CSRNP3: variants seen among roughly 807,000 people sequenced by gnomAD.
The protein encoded by CSRNP3 is cysteine and serine rich nuclear protein 3.
In CSRNP3, 12 loss-of-function variants were observed where a neutral mutation model predicts 48.0. The ratio of observed to expected loss-of-function variants is 0.25; its 90% CI spans 0.16 to 0.41. CSRNP3 has a LOEUF of 0.41. CSRNP3 is among the 10% of genes least tolerant of loss of function. CSRNP3 has a pLI of 1.00. For missense variants in CSRNP3, 580 were observed against 724.4 expected, an observed-to-expected ratio of 0.80 and a Z score of 2.29; for synonymous variants, 263 against 269.7, an observed-to-expected ratio of 0.98 and a Z score of 0.24.
In CSRNP3 at chr2:165,680,946, A is replaced by T. The variant is rs1391414081; in HGVS notation, c.*1193A>T. 6.6e-6 allele frequency: 1 copy of T among 152,192 alleles called. No homozygotes were observed. Among genetic ancestry groups the T allele is most frequent in the Non-Finnish European group, 1.5e-5 (1 of 68,044 alleles). 9.4% of individuals were successfully genotyped at this position (152,192 alleles called of 1,614,324 possible). ...GAGATTTCCACTTAGTGACTAGCTG[A>T]TTGAAGGGGGGCCTCTACCCAAATA... On this transcript the variant is annotated 3_prime_UTR_variant, in exon 7 of 7. Transcript: ENST00000651982.
Position 165,679,261 on chromosome 2 carries a change from T to C in CSRNP3, c.1266T>C (p.His422=), listed in dbSNP as rs1476907032. The change falls in exon 7 of 7, where the codon CAT becomes CAC. Residue 422 remains histidine, a synonymous_variant. Transcript: ENST00000651982. ...ATGGCACCGCCGTTCACGAAAGCCATGCAAAGAATGCTTCTTTTTATGCCA... is the reference window on the plus strand; with the variant it reads ...ATGGCACCGCCGTTCACGAAAGCCACGCAAAGAATGCTTCTTTTTATGCCA... The part of the protein sequence containing the change: ...YSDGTAVHES[H]AKNASFYANS... 2 of 1,613,962 alleles carry C rather than the reference T, an allele frequency of 1.2e-6. No individual in the cohort carries two copies. The highest frequency in any genetic ancestry group is 1.1e-5 in the South Asian group (1 of 91,074).
chr2:165,617,927 A>G (rs1686277666), intron 4 of CSRNP3, among the ~76,000 whole-genome samples: 1 of 152,204 alleles, frequency 6.6e-6, no homozygotes, highest in Non-Finnish European at 1.5e-5. Context: ...GTGGATGTGG[A>G]GAGATGTTGG....
At chr2:165,510,902 T>C (rs994255924) in intron 2 of CSRNP3, among the ~76,000 whole-genome samples, 1 of 152,170 alleles carries the variant, frequency 6.6e-6, no homozygotes, top group African/African-American at 2.4e-5. Context: ...TTTGATTTCC[T>C]TGGACAGTGT....
intron 4 of CSRNP3, among the ~76,000 whole-genome samples, chr2:165,625,759 C>G (rs763260883): frequency 6.0e-5 from 9 of 149,888 alleles, no homozygotes; most frequent in African/African-American, 1.7e-4. Flanking sequence ...ATGGTAAAAC[C>G]CTGTCTCTAC....
In CSRNP3 at chr2:165,687,861, A is replaced by T. The variant is rs1687656077; in HGVS notation, c.*8108A>T. Reference sequence around the variant, plus strand: ...TGCTCAGAGTTGACACCCAACTCAGAGTCAGAACTCACCAGAAGATGAGGA... The same window carrying T: ...TGCTCAGAGTTGACACCCAACTCAGTGTCAGAACTCACCAGAAGATGAGGA... On this transcript the variant is annotated 3_prime_UTR_variant, in exon 7 of 7. Transcript: ENST00000651982. The T allele has an allele frequency of 6.6e-6, 1 of 151,976 alleles. No homozygotes were observed. Among genetic ancestry groups the T allele is most frequent in the Non-Finnish European group, 1.5e-5 (1 of 67,964 alleles). The allele number at this position is 151,976 out of a possible 1,614,324, so 9.4% of individuals were successfully genotyped here.
chr2:165,559,275 G>A (rs1685200541), intron 3 of CSRNP3, among the ~76,000 whole-genome samples: 1 of 152,122 alleles, frequency 6.6e-6, no homozygotes, highest in Non-Finnish European at 1.5e-5. Context: ...GGTCTGTGAA[G>A]GTGAGAAATA....
intron 4 of CSRNP3, among the ~76,000 whole-genome samples, chr2:165,647,593 A>G (rs1686834992): frequency 6.6e-6 from 1 of 152,234 alleles, no homozygotes; most frequent in Non-Finnish European, 1.5e-5. Context: ...GTCAGGTGAT[A>G]GCTGAGTACA....
At chr2:165,639,274 A>G (rs1418933481) in intron 4 of CSRNP3, among the ~76,000 whole-genome samples, 1 of 152,186 alleles carries the variant, frequency 6.6e-6, no homozygotes, top group Non-Finnish European at 1.5e-5. Flanking sequence ...ACATTTGTTT[A>G]CAGTAGGAGA....
At position 165,681,720 on chromosome 2, in the gene CSRNP3, AATATACATATATATATATATATATAT is replaced by A. The variant is rs1687541643; in HGVS notation, c.*1973_*1998del. 1 of 77,208 alleles carries A rather than the reference AATATACATATATATATATATATATAT, an allele frequency of 1.3e-5. No individual in the cohort carries two copies. Among genetic ancestry groups the A allele is most frequent in the Non-Finnish European group, 2.5e-5 (1 of 40,652 alleles). The allele number at this position is 77,208 out of a possible 1,614,324, so 4.8% of individuals were successfully genotyped here. A position where few individuals can be genotyped will look rare whatever the true frequency, so the allele number is the denominator to read the frequency against. On this transcript the variant is annotated 3_prime_UTR_variant, in exon 7 of 7. Coordinates refer to ENST00000651982, the MANE Select transcript of CSRNP3 (RefSeq NM_001172173.2). ...AGAATGAGGATTTGTTGAAATCTCA[AATATACATATATATATATATATATAT>A]ATATATATATATATACACACACACA...
intron 3 of CSRNP3, among the ~76,000 whole-genome samples, chr2:165,540,832 G>A (rs1684947017): frequency 6.6e-6 from 1 of 152,000 alleles, no homozygotes; most frequent in South Asian, 2.1e-4. Context: ...TCCATCTTCT[G>A]TACCTGGTAG....
chr2:165,536,120 T>TATACTTCCA (rs1684878597), intron 3 of CSRNP3, among the ~76,000 whole-genome samples: 2 of 151,948 alleles, frequency 1.3e-5, no homozygotes, highest in African/African-American at 4.8e-5. Flanking sequence ...GTGCCAATAA[T>TATACTTCCA]ATACTTCCAA....
chr2:165,626,903 C>T (rs1686445142), intron 4 of CSRNP3, among the ~76,000 whole-genome samples: 1 of 152,210 alleles, frequency 6.6e-6, no homozygotes, highest in South Asian at 2.1e-4. Flanking sequence ...ATGAACAGAT[C>T]CTTTTTCCTT....
In CSRNP3 at chr2:165,599,317, G is replaced by GAAAGAAA. The variant is rs1553478354; in HGVS notation, c.148+4105_148+4111dup. Among the ~76,000 whole-genome samples, 3 of 146,584 alleles carry GAAAGAAA rather than the reference G, an allele frequency of 2.0e-5. No homozygotes were observed. In the South Asian group the frequency reaches 6.8e-4, roughly 33 times the overall value. On this transcript the variant is annotated intron_variant, in intron 4 of 6. Transcript: ENST00000651982. ...AGAAAGAAAGAAAGAAAGAAAGAAA[G>GAAAGAAA]AAAGAAAGAAAGGAAAAGAAAAAAA...
intron 1 of CSRNP3, among the ~76,000 whole-genome samples, chr2:165,477,812 G>A (rs188770578): frequency 2.6e-5 from 4 of 151,910 alleles, no homozygotes; most frequent in African/African-American, 9.7e-5. Context: ...CCCCATCACT[G>A]CAAAAGATAC....
intron 4 of CSRNP3, among the ~76,000 whole-genome samples, chr2:165,628,686 C>T (rs1181344245): frequency 6.6e-6 from 1 of 152,080 alleles, no homozygotes; most frequent in African/African-American, 2.4e-5. Context: ...ATGGCGCCAT[C>T]ACACTCCAGC....
At chr2:165,582,839 G>A (rs957416663) in intron 3 of CSRNP3, among the ~76,000 whole-genome samples, 2 of 152,050 alleles carry the variant, frequency 1.3e-5, no homozygotes, top group East Asian at 1.9e-4. Flanking sequence ...ATCAAACTGC[G>A]GAAATGTTGT....
chr2:165,484,034 T>C (rs1684081635), intron 1 of CSRNP3, among the ~76,000 whole-genome samples: 1 of 152,214 alleles, frequency 6.6e-6, no homozygotes, highest in African/African-American at 2.4e-5. Flanking sequence ...AAATTGTATT[T>C]TATATATGTC....
intron 3 of CSRNP3, among the ~76,000 whole-genome samples, chr2:165,544,866 G>A (rs1292509923): frequency 1.3e-5 from 2 of 152,108 alleles, no homozygotes. Context: ...CACAAAAAAG[G>A]TAAATGTAAA....
intron 3 of CSRNP3, among the ~76,000 whole-genome samples, chr2:165,555,972 C>T (rs776756557): frequency 6.6e-6 from 1 of 152,110 alleles, no homozygotes; most frequent in Non-Finnish European, 1.5e-5. Flanking sequence ...CAGTGTGTCT[C>T]TCAGGAGTTT....
Sources: gnomAD v4.1 joint callset for allele counts (sites outside exome capture counted in the v4.1 genomes callset) on GRCh38, gnomAD v4.1.1 for gene constraint, MANE v1.5 for transcripts, NCBI Gene and HGNC (gene_info 2026-07-23, HGNC 2026-07-21) for gene names.